The following GRK3 variants were observed in gnomAD, a reference collection of about 807,000 sequenced individuals.
GRK3 encodes adrenergic, beta, receptor kinase 2.
GRK3 carries 54 observed loss-of-function variants against 95.7 expected under a neutral mutation model. That is an observed-to-expected ratio of 0.56 (90% confidence interval 0.45 to 0.71). The LOEUF is 0.71. Ranked by LOEUF, GRK3 falls within the 30% of genes least tolerant of loss-of-function variation. The pLI is 0.00. For synonymous variants in GRK3, 281 were observed against 290.8 expected (o/e 0.97, Z 0.34); for missense variants, 649 against 851.2 (o/e 0.76, Z 2.96).
In GRK3 at chr22:25,568,467, T is replaced by C. The variant is rs111476637; in HGVS notation, c.113+3314T>C. On this transcript the variant is annotated intron_variant, in intron 1 of 20. Coordinates refer to ENST00000324198, the MANE Select transcript of GRK3 (RefSeq NM_005160.4). ...GATCACCTATTGCAAAGCTTGTCCT[T>C]TCAAAGTATTCATACAATATGATAG... is the stretch of plus-strand genomic sequence containing the variant. 2.0e-3 allele frequency among the ~76,000 whole-genome samples: 301 copies of C among 152,378 alleles called. 1 individual carries two copies. Among genetic ancestry groups the C allele is most frequent in the African/African-American group, 6.8e-3 (284 of 41,588 alleles).
At chr22:25,586,524 T>TA (rs1328865742) in intron 1 of GRK3, among the ~76,000 whole-genome samples, 7 of 152,328 alleles carry the variant, frequency 4.6e-5, no homozygotes, top group South Asian at 2.1e-4. Context: ...AAAGATAAAT[T>TA]AAAAAAAATC....
At chr22:25,648,396 C>T (rs2084802839) in intron 3 of GRK3, 1 of 1,290,894 alleles carries the variant, frequency 7.7e-7, no homozygotes, top group Non-Finnish European at 1.1e-6. Context: ...GATTCAAGGT[C>T]TAGCAAAAGA....
At chr22:25,669,207 A>G (rs2146409834) in intron 6 of GRK3, among the ~76,000 whole-genome samples, 1 of 152,160 alleles carries the variant, frequency 6.6e-6, no homozygotes, top group Admixed American at 6.5e-5. Context: ...CCCATGGAAA[A>G]GGTGATTTTT....
intron 3 of GRK3, among the ~76,000 whole-genome samples, chr22:25,651,819 G>T (rs1211186123): frequency 6.6e-6 from 1 of 152,054 alleles, no homozygotes; most frequent in Non-Finnish European, 1.5e-5. Flanking sequence ...AAATTGCCAA[G>T]AAAAATAAAC....
chr22:25,682,954 G>A (rs1005832292), intron 9 of GRK3, among the ~76,000 whole-genome samples: 6 of 152,222 alleles, frequency 3.9e-5, no homozygotes, highest in Non-Finnish European at 7.3e-5. Flanking sequence ...ACTCCATGTT[G>A]CTTACAAGAT....
intron 2 of GRK3, among the ~76,000 whole-genome samples, chr22:25,612,496 G>T (rs1438919673): frequency 6.7e-6 from 1 of 148,506 alleles, no homozygotes; most frequent in Non-Finnish European, 1.5e-5. Flanking sequence ...TTCTAGTAAG[G>T]TATGTCTGCA....
At chr22:25,585,560 C>T (rs1391149026) in intron 1 of GRK3, among the ~76,000 whole-genome samples, 2 of 152,110 alleles carry the variant, frequency 1.3e-5, no homozygotes, top group Non-Finnish European at 2.9e-5. Flanking sequence ...TTGGGAGAGG[C>T]TTTAGTTTAC....
At chr22:25,698,894 C>T (rs1049000958) in intron 13 of GRK3, among the ~76,000 whole-genome samples, 18 of 152,056 alleles carry the variant, frequency 1.2e-4, no homozygotes, top group Non-Finnish European at 7.4e-5. Context: ...TCAGTGTTTT[C>T]GTGGAGTGTG....
At chr22:25,655,037 A>G (rs1297708800) in intron 3 of GRK3, among the ~76,000 whole-genome samples, 2 of 152,086 alleles carry the variant, frequency 1.3e-5, no homozygotes, top group Non-Finnish European at 2.9e-5. Context: ...AGTTATTAGT[A>G]ATTCTTCTCT....
At chr22:25,643,174 A>G (rs969145497) in intron 2 of GRK3, among the ~76,000 whole-genome samples, 2 of 152,236 alleles carry the variant, frequency 1.3e-5, no homozygotes, top group Admixed American at 6.5e-5. Flanking sequence ...AGAGATGTGT[A>G]TCCTTCCCAT....
At position 25,724,450 on chromosome 22, in the gene GRK3, C is replaced by T. The variant is rs963131109; in HGVS notation, c.*2000C>T. The T allele has an allele frequency of 1.3e-5, 2 of 152,112 alleles. No individual in the cohort carries two copies. The highest frequency in any genetic ancestry group is 4.8e-5 in the African/African-American group (2 of 41,422). The allele number at this position is 152,112 out of a possible 1,614,324, so 9.4% of individuals were successfully genotyped here. A position where few individuals can be genotyped will look rare whatever the true frequency, so the allele number is the denominator to read the frequency against. On this transcript the variant is annotated 3_prime_UTR_variant, in exon 21 of 21. Coordinates refer to ENST00000324198, the MANE Select transcript of GRK3 (RefSeq NM_005160.4). Reference sequence around the variant, plus strand: ...TACTTGTTCTAAAATTGAGCTGATCCGCATCTCTTTCAAAAACTAGAATTT... The same window carrying T: ...TACTTGTTCTAAAATTGAGCTGATCTGCATCTCTTTCAAAAACTAGAATTT...
chr22:25,629,890 T>A (rs1160294791), intron 2 of GRK3, among the ~76,000 whole-genome samples: 1 of 152,184 alleles, frequency 6.6e-6, no homozygotes, highest in East Asian at 1.9e-4. Flanking sequence ...TTAGCATTTC[T>A]CCTCTACCAA....
chr22:25,718,108 G>T, intron 18 of GRK3, 137 bp from the exon 19 acceptor site: 3 of 913,574 alleles, frequency 3.3e-6, no homozygotes, highest in Non-Finnish European at 5.0e-6. Flanking sequence ...AACTAAAATC[G>T]TGACTTCTGT....
At chr22:25,571,916 T>C (rs1601442544) in intron 1 of GRK3, among the ~76,000 whole-genome samples, 2 of 152,240 alleles carry the variant, frequency 1.3e-5, no homozygotes, top group Admixed American at 1.3e-4. Flanking sequence ...GCAGGTTTGT[T>C]GTATGTATGT....
chr22:25,713,353 G>T (rs2085359173), intron 17 of GRK3, among the ~76,000 whole-genome samples: 1 of 152,138 alleles, frequency 6.6e-6, no homozygotes, highest in African/African-American at 2.4e-5. Flanking sequence ...ACAGAAAGAG[G>T]AAAAACTCTA....
rs887197792 is a variant in GRK3, at chr22:25,726,339, C to G, written c.*3889C>G. 6.6e-6 allele frequency: 1 copy of G among 152,160 alleles called. No individual in the cohort carries two copies. The highest frequency in any genetic ancestry group is 1.9e-4 in the East Asian group (1 of 5,196). The allele number at this position is 152,160 out of a possible 1,614,324, so 9.4% of individuals were successfully genotyped here. A position where few individuals can be genotyped will look rare whatever the true frequency, so the allele number is the denominator to read the frequency against. ...GAAAACAACGTTCTCAAAGTCTGGC[C>G]TCTTTAGCATGATGTAAACCTATAG... On this transcript the variant is annotated 3_prime_UTR_variant, in exon 21 of 21. Transcript: ENST00000324198.
intron 5 of GRK3, among the ~76,000 whole-genome samples, chr22:25,665,613 GTAT>G (rs1569185106): frequency 1.3e-5 from 2 of 151,844 alleles, no homozygotes; most frequent in Non-Finnish European, 1.5e-5. Flanking sequence ...TATAGAATGG[GTAT>G]TATTCTTATT....
At chr22:25,713,852 A>C (rs1302624495) in intron 17 of GRK3, among the ~76,000 whole-genome samples, 2 of 152,202 alleles carry the variant, frequency 1.3e-5, no homozygotes, top group Non-Finnish European at 2.9e-5. Context: ...GATTTCTTAT[A>C]CATATGATTA....
intron 1 of GRK3, among the ~76,000 whole-genome samples, chr22:25,565,947 G>A (rs1344457113): frequency 1.3e-5 from 2 of 152,132 alleles, no homozygotes; most frequent in Admixed American, 6.5e-5. Flanking sequence ...AGGAGGGCCC[G>A]ATTGAATTGG....
Sources: gnomAD v4.1 joint callset for allele counts (sites outside exome capture counted in the v4.1 genomes callset) on GRCh38, gnomAD v4.1.1 for gene constraint, MANE v1.5 for transcripts, NCBI Gene and HGNC (gene_info 2026-07-23, HGNC 2026-07-21) for gene names.